The following RXFP1 variants were observed in gnomAD, a reference collection of about 807,000 sequenced individuals.
RXFP1 encodes relaxin family peptide receptor 1.
In RXFP1, 73 loss-of-function variants were observed where a neutral mutation model predicts 89.8. The ratio of observed to expected loss-of-function variants is 0.81; its 90% confidence interval spans 0.67 to 0.99. The LOEUF is 0.99. RXFP1 is among the 50% of genes least tolerant of loss of function. RXFP1 has a pLI of 0.00. For synonymous variants in RXFP1, 277 were observed against 305.5 expected, an observed-to-expected ratio of 0.91 and a Z score of 0.97; for missense variants, 793 against 895.5, an observed-to-expected ratio of 0.89 and a Z score of 1.46.
chr4:158,593,340 C>T lies in RXFP1; in HGVS notation c.188-61C>T, dbSNP rs1022969087. 1.3e-5 allele frequency: 13 copies of T among 1,015,320 alleles called. No individual in the cohort carries two copies. In the African/African-American group the frequency reaches 1.4e-4, roughly 11 times the overall value. The allele number at this position is 1,015,320 out of a possible 1,614,324, so 62.9% of individuals were successfully genotyped here. ...TGTTTTAAAGAGAGGACCTGTCTCC[C>T]CACAATATACCAGAATATCTCTGTT... is the stretch of plus-strand genomic sequence containing the variant. On this transcript the variant is annotated intron_variant, in intron 2 of 17. Coordinates refer to ENST00000307765, the MANE Select transcript of RXFP1 (RefSeq NM_021634.4).
chr4:158,547,182 G>C (rs941104218), intron 1 of RXFP1, among the ~76,000 whole-genome samples: 3 of 152,160 alleles, frequency 2.0e-5, no homozygotes, highest in Non-Finnish European at 4.4e-5. Context: ...TCTTGGGGGG[G>C]TGTATGTTTT....
intron 4 of RXFP1, among the ~76,000 whole-genome samples, chr4:158,603,192 C>T (rs768480248): frequency 2.0e-5 from 3 of 152,170 alleles, no homozygotes; most frequent in Non-Finnish European, 4.4e-5. Context: ...ATCCTCACAC[C>T]TTGGTCTCCC....
chr4:158,567,228 A>G (rs1163621986), intron 1 of RXFP1, among the ~76,000 whole-genome samples: 1 of 152,004 alleles, frequency 6.6e-6, no homozygotes, highest in Non-Finnish European at 1.5e-5. Context: ...CCCGACGACC[A>G]TGGCCCCCTG....
At chr4:158,638,226 A>G (rs1769606378) in intron 13 of RXFP1, 147 bp downstream of exon 13, 1 of 521,896 alleles carries the variant, frequency 1.9e-6, no homozygotes, top group Admixed American at 3.7e-5. Context: ...TGCTTGCTGA[A>G]CTATAAACAG....
chr4:158,574,203 A>AT (rs1365581708), intron 2 of RXFP1, among the ~76,000 whole-genome samples: 1 of 152,258 alleles, frequency 6.6e-6, no homozygotes, highest in Non-Finnish European at 1.5e-5. Context: ...ATAAGGTACT[A>AT]TTTTGGGAGG....
At chr4:158,608,320 C>G (rs1188437601) in intron 6 of RXFP1, among the ~76,000 whole-genome samples, 2 of 105,404 alleles carry the variant, frequency 1.9e-5, no homozygotes, top group African/African-American at 7.7e-5. Context: ...GACAGAGTCT[C>G]TCTGTCACCC....
intron 6 of RXFP1, among the ~76,000 whole-genome samples, chr4:158,609,538 T>A (rs773573236): frequency 6.6e-6 from 1 of 152,244 alleles, no homozygotes; most frequent in Non-Finnish European, 1.5e-5. Flanking sequence ...TTATGTCCCC[T>A]TGTTTTCCAC....
At chr4:158,572,634 T>C in intron 1 of RXFP1, 64 bp from the exon 2 acceptor site, 1 of 1,408,436 alleles carries the variant, frequency 7.1e-7, no homozygotes, top group Non-Finnish European at 1.0e-6. Context: ...AGGGAGAAAC[T>C]GCTCTTTGCC....
At position 158,548,839 on chromosome 4, in the gene RXFP1, T is replaced by C. The variant is rs181717764; in HGVS notation, c.50-23859T>C. On this transcript the variant is annotated intron_variant, in intron 1 of 17. Coordinates refer to ENST00000307765, the MANE Select transcript of RXFP1 (RefSeq NM_021634.4). ...AGATCAGCTGTTAGTCTCATGAGCT[T>C]CCCTTTGTGGGTAACCCGACCTTTC... Among the ~76,000 whole-genome samples, 719 of 152,326 alleles carry C rather than the reference T, an allele frequency of 4.7e-3. 9 individuals are homozygous for C. The highest frequency in any genetic ancestry group is 0.016 in the African/African-American group (678 of 41,570).
chr4:158,637,209 G>A (rs756761731), intron 12 of RXFP1, among the ~76,000 whole-genome samples: 2 of 152,124 alleles, frequency 1.3e-5, no homozygotes, highest in African/African-American at 2.4e-5. Flanking sequence ...GAATATGGGA[G>A]TACAGAAATC....
intron 1 of RXFP1, among the ~76,000 whole-genome samples, chr4:158,559,605 G>A (rs1445406822): frequency 6.6e-6 from 1 of 152,080 alleles, no homozygotes; most frequent in Non-Finnish European, 1.5e-5. Context: ...CCAATATTAA[G>A]ACAAGCATCC....
At chr4:158,602,202 T>C (rs759110091) in intron 4 of RXFP1, among the ~76,000 whole-genome samples, 13 of 152,222 alleles carry the variant, frequency 8.5e-5, no homozygotes, top group Admixed American at 5.2e-4. Flanking sequence ...GTAGAGAATG[T>C]TATTTGTCAA....
intron 1 of RXFP1, among the ~76,000 whole-genome samples, chr4:158,542,109 A>ATATACATATATATATTTTTTTT: frequency 2.8e-5 from 1 of 35,254 alleles, no homozygotes; most frequent in African/African-American, 9.3e-5. Flanking sequence ...ATATATATAT[A>ATATACATATATATATTTTTTTT]TTTTTTTTTT....
chr4:158,610,221 C>T (rs1217391095), intron 6 of RXFP1, among the ~76,000 whole-genome samples: 4 of 152,152 alleles, frequency 2.6e-5, no homozygotes, highest in South Asian at 2.1e-4. Context: ...GCCGAGATCG[C>T]GCCACTGCAC....
At chr4:158,601,177 T>C (rs896575912) in intron 4 of RXFP1, among the ~76,000 whole-genome samples, 1 of 151,652 alleles carries the variant, frequency 6.6e-6, no homozygotes, top group African/African-American at 2.4e-5. Context: ...CATAAAGAGA[T>C]GTGGGCAGAA....
At chr4:158,550,377 A>G (rs185857120) in intron 1 of RXFP1, among the ~76,000 whole-genome samples, 1 of 152,300 alleles carries the variant, frequency 6.6e-6, no homozygotes, top group East Asian at 1.9e-4. Context: ...AGGAAAGGGA[A>G]CTCCCTGACT....
At chr4:158,575,962 C>G (rs573840574) in intron 2 of RXFP1, among the ~76,000 whole-genome samples, 1 of 152,134 alleles carries the variant, frequency 6.6e-6, no homozygotes, top group Non-Finnish European at 1.5e-5. Context: ...CTGGTCTCAG[C>G]TGGATTTTCT....
Position 158,542,109 on chromosome 4 carries a change from A to ATATATATATATTTTTT in RXFP1, c.49+20085_49+20086insATATATATATTTTTTT. ...TATATATATATATATATATATATATATTTTTTTTTTAGTAGAGACAGGGTT... is the reference window on the plus strand; with the variant it reads ...TATATATATATATATATATATATATATATATATATATTTTTTTTTTTTTTTTAGTAGAGACAGGGTT... On this transcript the variant is annotated intron_variant, in intron 1 of 17. Coordinates refer to ENST00000307765, the MANE Select transcript of RXFP1 (RefSeq NM_021634.4). Among the ~76,000 whole-genome samples, 287 of 35,122 alleles carry ATATATATATATTTTTT rather than the reference A, an allele frequency of 8.2e-3. 17 individuals carry two copies. Among genetic ancestry groups the ATATATATATATTTTTT allele is most frequent in the Middle Eastern group, 0.019 (1 of 52 alleles). The allele number at this position is 35,122 out of a possible 152,430, so 23.0% of individuals were successfully genotyped here.
intron 1 of RXFP1, among the ~76,000 whole-genome samples, chr4:158,527,900 G>A (rs559746685): frequency 6.6e-6 from 1 of 152,100 alleles, no homozygotes; most frequent in African/African-American, 2.4e-5. Context: ...TTAAAAGTGG[G>A]TCTCCAAATT....
Sources: allele counts gnomAD v4.1 joint callset (sites outside exome capture counted in the v4.1 genomes callset), GRCh38; gene constraint gnomAD v4.1.1; transcripts MANE v1.5; gene names NCBI Gene and HGNC (gene_info 2026-07-23, HGNC 2026-07-21).